FXYD6: variants seen among roughly 807,000 people sequenced by gnomAD.
FXYD6 encodes FXYD domain containing ion transport regulator 6.
FXYD6 carries 7 observed loss-of-function variants against 16.7 expected under a neutral mutation model. The ratio of observed to expected loss-of-function variants is 0.42; its 90% CI spans 0.24 to 0.79. The LOEUF (loss-of-function observed/expected upper bound fraction) is 0.79, where lower values mean the gene tolerates loss of function less well. Ranked by LOEUF, FXYD6 falls within the 30% of genes least tolerant of loss-of-function variation. The probability of loss-of-function intolerance (pLI) is 0.28; values close to 1 mark genes in which losing one functional copy is unlikely to be tolerated. For missense variants in FXYD6, 111 were observed against 116.2 expected (o/e 0.95, Z 0.21); for synonymous variants, 49 against 43.0 (o/e 1.14, Z -0.54).
chr11:117,861,236 A>G (rs2056899294), intron 1 of FXYD6, among the ~76,000 whole-genome samples: 1 of 152,176 alleles, frequency 6.6e-6, no homozygotes, highest in African/African-American at 2.4e-5. Context: ...CTGCTGGTCT[A>G]TGGGAGCCTG....
rs1565323993 is a variant in FXYD6 at position 117,858,731 on chromosome 11, T to TC, written c.-5-15951dup. 1.1e-3 allele frequency among the ~76,000 whole-genome samples: 67 copies of TC among 60,244 alleles called. 5 individuals are homozygous for TC. Among genetic ancestry groups the TC allele is most frequent in the Admixed American group, 4.1e-3 (20 of 4,884 alleles). The allele number at this position is 60,244 out of a possible 152,430, so 39.5% of individuals were successfully genotyped here. A position where few individuals can be genotyped will look rare whatever the true frequency, so the allele number is the denominator to read the frequency against. On this transcript the variant is annotated intron_variant, in intron 1 of 7. Transcript: ENST00000526014. Reference sequence around the variant, plus strand: ...TCTCTCTCTCCTTCCTTCCCTTCCTTCCTTCCTTCCTTCCTTCCTTCCTTC... The same window carrying TC: ...TCTCTCTCTCCTTCCTTCCCTTCCTTCCCTTCCTTCCTTCCTTCCTTCCTTC...
At chr11:117,857,511 C>T (rs376988554) in intron 1 of FXYD6, among the ~76,000 whole-genome samples, 65 of 150,588 alleles carry the variant, frequency 4.3e-4, no homozygotes, top group Non-Finnish European at 7.2e-4. Flanking sequence ...CGGGTTCAAG[C>T]GATTCTCCTG....
chr11:117,866,197 TG>T (rs2057009958), intron 1 of FXYD6, among the ~76,000 whole-genome samples: 1 of 152,010 alleles, frequency 6.6e-6, no homozygotes, highest in Admixed American at 6.5e-5. Flanking sequence ...CACAAGACGA[TG>T]GGAGTTCTTG....
rs139595673 is a variant in FXYD6, at chr11:117,850,699, C to T, written c.-5-7918G>A. 6.6e-3 allele frequency among the ~76,000 whole-genome samples: 1,007 copies of T among 151,524 alleles called. 9 individuals carry two copies. Among genetic ancestry groups the T allele is most frequent in the African/African-American group, 0.022 (903 of 41,370 alleles). ...TTTGGGGGGCGGTCTCACTATGTTA[C>T]GTAGGCTGGTCTCGAACTCCTGGGC... On this transcript the variant is annotated intron_variant, in intron 1 of 7. Transcript: ENST00000526014.
chr11:117,858,623 A>ATTTCCTT (rs1398411956), intron 1 of FXYD6, among the ~76,000 whole-genome samples: 8 of 144,562 alleles, frequency 5.5e-5, no homozygotes, highest in East Asian at 2.1e-4. Flanking sequence ...ATTCTGCTTC[A>ATTTCCTT]TTTTCTTTTT....
intron 1 of FXYD6, among the ~76,000 whole-genome samples, chr11:117,854,105 C>T (rs1260516581): frequency 6.6e-6 from 1 of 152,152 alleles, no homozygotes; most frequent in Non-Finnish European, 1.5e-5. Flanking sequence ...TAGCCCAAGT[C>T]CCATCTCCAA....
Position 117,872,512 on chromosome 11 carries a change from G to A in FXYD6, c.-6+4080C>T, listed in dbSNP as rs1298406370. ...AACATTTATTAAAAGGATGAACGAG[G>A]GAGTTTGAAACCTTAGCCTCTGGTC... is the stretch of plus-strand genomic sequence containing the variant. On this transcript the variant is annotated intron_variant, in intron 1 of 7. Transcript: ENST00000526014. This position sits in a 1 kb window ranked among gnomAD's most constrained non-coding sequence, Gnocchi z 4.9. Among the ~76,000 whole-genome samples the A allele has an allele frequency of 6.6e-6, 1 of 152,168 alleles. No individual in the cohort carries two copies. The highest frequency in any genetic ancestry group is 2.4e-5 in the African/African-American group (1 of 41,428).
chr11:117,844,597 C>T (rs562099651), intron 1 of FXYD6, among the ~76,000 whole-genome samples: 3 of 152,212 alleles, frequency 2.0e-5, no homozygotes, highest in Non-Finnish European at 2.9e-5. Flanking sequence ...CGGGTTCAAA[C>T]GATTCTCCTG....
intron 1 of FXYD6, among the ~76,000 whole-genome samples, chr11:117,845,138 G>A (rs772414232): frequency 1.3e-5 from 2 of 152,086 alleles, no homozygotes; most frequent in East Asian, 1.9e-4. Context: ...TGTATCCATC[G>A]GCAGTCACCC....
chr11:117,840,275 C>A, intron 6 of FXYD6, 44 bp downstream of exon 6: 2 of 1,613,234 alleles, frequency 1.2e-6, no homozygotes, highest in Non-Finnish European at 1.7e-6. Flanking sequence ...AGGGGTCTCT[C>A]TGTTCCCTCT....
At chr11:117,856,891 G>T (rs2056740240) in intron 1 of FXYD6, among the ~76,000 whole-genome samples, 1 of 152,160 alleles carries the variant, frequency 6.6e-6, no homozygotes, top group Non-Finnish European at 1.5e-5. Flanking sequence ...CTCAGAACAT[G>T]CATTTCCCAC....
In FXYD6 at chr11:117,842,684, A is replaced by G. The variant is rs748636728; in HGVS notation, c.58+35T>C. 75 of 1,553,286 alleles carry G rather than the reference A, an allele frequency of 4.8e-5. 1 individual carries two copies. In the East Asian group the frequency reaches 9.2e-4, roughly 19 times the overall value. On this transcript the variant is annotated intron_variant, in intron 2 of 7. Transcript: ENST00000526014. ...GCAGAGAGGGCTGGACAGGGTTGTCATCTTGTCACAGCCAGGTCCCAGAGG... is the reference window on the plus strand; with the variant it reads ...GCAGAGAGGGCTGGACAGGGTTGTCGTCTTGTCACAGCCAGGTCCCAGAGG...
rs868078717 is a variant in FXYD6, at chr11:117,858,731, T to A, written c.-5-15950A>T. ...TCTCTCTCTCCTTCCTTCCCTTCCT[T>A]CCTTCCTTCCTTCCTTCCTTCCTTC... On this transcript the variant is annotated intron_variant, in intron 1 of 7. Transcript: ENST00000526014. Among the ~76,000 whole-genome samples the A allele has an allele frequency of 8.1e-4, 49 of 60,244 alleles. 2 individuals carry two copies. The highest frequency in any genetic ancestry group is 3.1e-3 in the African/African-American group (45 of 14,696). The allele number at this position is 60,244 out of a possible 152,430, so 39.5% of individuals were successfully genotyped here. A position where few individuals can be genotyped will look rare whatever the true frequency, so the allele number is the denominator to read the frequency against.
At chr11:117,859,020 C>T (rs755643836) in intron 1 of FXYD6, among the ~76,000 whole-genome samples, 7 of 152,120 alleles carry the variant, frequency 4.6e-5, no homozygotes, top group Non-Finnish European at 1.0e-4. Context: ...CGGTGATCTG[C>T]CCAACTCAGC....
intron 7 of FXYD6, 115 bp from the exon 8 acceptor site, chr11:117,838,392 TCTGAGA>T: frequency 1.5e-6 from 1 of 686,760 alleles, no homozygotes; most frequent in Non-Finnish European, 2.7e-6. Flanking sequence ...GACAGCCTCG[TCTGAGA>T]CGCAGAGAAA....
chr11:117,850,191 C>T (rs942993995), intron 1 of FXYD6, among the ~76,000 whole-genome samples: 2 of 152,212 alleles, frequency 1.3e-5, no homozygotes, highest in Admixed American at 6.5e-5. Context: ...AGCCGTTCTC[C>T]GGCCTCCTTG....
Position 117,871,294 on chromosome 11 carries a change from C to T in FXYD6, c.-6+5298G>A, listed in dbSNP as rs545735336. Among the ~76,000 whole-genome samples the T allele has an allele frequency of 5.9e-5, 9 of 152,266 alleles. No individual in the cohort carries two copies. In the South Asian group the frequency reaches 1.9e-3, roughly 32 times the overall value. On this transcript the variant is annotated intron_variant, in intron 1 of 7. Transcript: ENST00000526014. ...TGTGCACCGGCGTATGGGAGACAGCCGGGAAGGGCGACTAGGTGTCTACAC... is the reference window on the plus strand; with the variant it reads ...TGTGCACCGGCGTATGGGAGACAGCTGGGAAGGGCGACTAGGTGTCTACAC...
chr11:117,842,723 G>A lies in FXYD6; in HGVS notation c.54C>T (p.Ala18=), dbSNP rs1399897984. 1.9e-5 allele frequency: 29 copies of A among 1,567,428 alleles called. No homozygotes were observed. Among genetic ancestry groups the A allele is most frequent in the Non-Finnish European group, 2.3e-5 (27 of 1,155,418 alleles). ...LCSLLAPMVL[A]SAAEKEKEMD... ...AGGTCCCAGAGGGGTACTTACCACT[G>A]GCCAGGACCATGGGGGCCAGCAGGC... Residue 18 remains alanine, a synonymous_variant, in exon 2 of 8, where the codon GCC becomes GCT. Transcript: ENST00000526014.
At chr11:117,864,801 G>A (rs1485255408) in intron 1 of FXYD6, among the ~76,000 whole-genome samples, 6 of 152,110 alleles carry the variant, frequency 3.9e-5, no homozygotes, top group Non-Finnish European at 8.8e-5. Context: ...GGGTCAGGCT[G>A]GTCTCGAACT....
Sources: allele counts gnomAD v4.1 joint callset (sites outside exome capture counted in the v4.1 genomes callset), GRCh38; gene constraint gnomAD v4.1.1; non-coding constraint Gnocchi (gnomAD v3.1); transcripts MANE v1.5; gene names NCBI Gene and HGNC (gene_info 2026-07-23, HGNC 2026-07-21).